Variants in COL21A1 observed in about 807,000 individuals in gnomAD.
COL21A1 encodes the protein collagen alpha-1(XXI) chain.
Under a neutral mutation model 137.9 loss-of-function variants are expected in COL21A1, and 149 were observed. The observed-to-expected ratio is 1.08, with a 90% CI of 0.95 to 1.24. The LOEUF is 1.24. Among genes scored for constraint, COL21A1 ranks in the 50% most tolerant of loss-of-function variants. The pLI is 0.00. For missense variants in COL21A1, 1,167 were observed against 1,158.4 expected (o/e 1.01, Z -0.11); for synonymous variants, 456 against 391.5 (o/e 1.16, Z -1.95).
At chr6:56,290,523 G>A (rs982840629) in intron 1 of COL21A1, among the ~76,000 whole-genome samples, 3 of 72,858 alleles carry the variant, frequency 4.1e-5, no homozygotes, top group African/African-American at 1.9e-4. Flanking sequence ...TTTTTGAGAC[G>A]AAGTCTTGCT....
intron 1 of COL21A1, among the ~76,000 whole-genome samples, chr6:56,272,412 T>A (rs1474997494): frequency 6.6e-6 from 1 of 152,168 alleles, no homozygotes; most frequent in Non-Finnish European, 1.5e-5. Flanking sequence ...GGGAGTTAAC[T>A]AACTCGATTT....
At chr6:56,065,758 C>A (rs1485248397) in intron 23 of COL21A1, among the ~76,000 whole-genome samples, 1 of 151,874 alleles carries the variant, frequency 6.6e-6, no homozygotes, top group Non-Finnish European at 1.5e-5. Flanking sequence ...AAAAAAGATT[C>A]AGTCAGCCCA....
chr6:56,095,798 T>A (rs925914767), intron 17 of COL21A1, among the ~76,000 whole-genome samples: 1 of 152,156 alleles, frequency 6.6e-6, no homozygotes, highest in Non-Finnish European at 1.5e-5. Context: ...TCCCTATGCA[T>A]TTTAAATAGG....
chr6:56,302,891 T>C, intron 1 of COL21A1, among the ~76,000 whole-genome samples: 1 of 152,312 alleles, frequency 6.6e-6, no homozygotes, highest in Non-Finnish European at 1.5e-5. Context: ...TAATCCATCT[T>C]GAATTAATTT....
chr6:56,341,399 A>G lies in COL21A1; in HGVS notation c.-39+52572T>C, dbSNP rs183779509. ...AAATCCATACAATGGAATATTATGC[A>G]TTGATAAAAAGAAATGAACTGCCAA... On this transcript the variant is annotated intron_variant, in intron 1 of 28. Transcript: ENST00000370819. Among the ~76,000 whole-genome samples, 21 of 152,336 alleles carry G rather than the reference A, an allele frequency of 1.4e-4. 1 individual carries two copies. In the East Asian group the frequency reaches 4.0e-3, roughly 29 times the overall value.
At chr6:56,124,388 T>G (rs773787333) in intron 14 of COL21A1, 96 bp from the exon 15 acceptor site, 33 of 1,180,954 alleles carry the variant, frequency 2.8e-5, no homozygotes, top group Non-Finnish European at 3.9e-5. Context: ...GTTAACATCA[T>G]TATGTAGTAA....
chr6:56,166,593 G>A (rs976000285), intron 7 of COL21A1, among the ~76,000 whole-genome samples: 2 of 152,156 alleles, frequency 1.3e-5, no homozygotes, highest in Admixed American at 1.3e-4. Context: ...GGAGGTTGCA[G>A]TGACCCGAGA....
At chr6:56,124,791 A>G (rs966250554) in intron 14 of COL21A1, among the ~76,000 whole-genome samples, 16 of 151,950 alleles carry the variant, frequency 1.1e-4, no homozygotes, top group South Asian at 4.2e-4. Context: ...ACAGGCGCCC[A>G]CTACCACTCC....
intron 1 of COL21A1, among the ~76,000 whole-genome samples, chr6:56,364,223 G>A (rs146954956): frequency 3.9e-5 from 6 of 151,956 alleles, no homozygotes; most frequent in African/African-American, 1.2e-4. Flanking sequence ...GGGAACCATC[G>A]AGACAGTACT....
intron 10 of COL21A1, among the ~76,000 whole-genome samples, chr6:56,143,518 C>T (rs1774594041): frequency 6.6e-6 from 1 of 152,068 alleles, no homozygotes; most frequent in Admixed American, 6.6e-5. Context: ...AATTTTTTAT[C>T]ACCAACCATC....
intron 17 of COL21A1, among the ~76,000 whole-genome samples, chr6:56,085,375 TTG>T (rs1768142594): frequency 6.6e-6 from 1 of 152,096 alleles, no homozygotes; most frequent in Non-Finnish European, 1.5e-5. Flanking sequence ...AGATTTGTTC[TTG>T]TTATTTTTGT....
intron 1 of COL21A1, among the ~76,000 whole-genome samples, chr6:56,233,485 T>C (rs764252455): frequency 6.6e-6 from 1 of 151,512 alleles, no homozygotes; most frequent in Non-Finnish European, 1.5e-5. Flanking sequence ...TCTTAGAAAA[T>C]TAAAAACTTA....
chr6:56,067,318 T>C lies in COL21A1; in HGVS notation c.2104A>G (p.Asn702Asp). The C allele has an allele frequency of 6.2e-7, 1 of 1,609,072 alleles. No homozygotes were observed. The highest frequency in any genetic ancestry group is 8.5e-7 in the Non-Finnish European group (1 of 1,176,822). Residue 702 changes from asparagine to aspartate, a missense_variant, in exon 23 of 30, where the codon AAT becomes GAT. Transcript: ENST00000244728. ...GIQGKKGDKG[N>D]QGEKGIQGQK... ...ACCTGAATACCTTTTTCACCTTGAT[T>C]TCCTTTGTCCCCCTACAAAAAGGCA... is the stretch of plus-strand genomic sequence containing the variant.
chr6:56,276,671 C>A, intron 1 of COL21A1: 1 of 1,443,848 alleles, frequency 6.9e-7, no homozygotes, highest in Non-Finnish European at 9.7e-7. Flanking sequence ...AAAAGTCCTG[C>A]ATGATCCTTG....
At chr6:56,392,593 C>A (rs1581806625) in intron 1 of COL21A1, among the ~76,000 whole-genome samples, 1 of 152,186 alleles carries the variant, frequency 6.6e-6, no homozygotes, top group African/African-American at 2.4e-5. Context: ...ATTTGGAAAA[C>A]CCTAAAGATG....
intron 10 of COL21A1, among the ~76,000 whole-genome samples, chr6:56,145,008 G>A (rs1483314736): frequency 8.5e-5 from 13 of 152,142 alleles, no homozygotes; most frequent in Admixed American, 6.6e-5. Flanking sequence ...ATAAATGTGC[G>A]TTTCTTTCTT....
intron 1 of COL21A1, among the ~76,000 whole-genome samples, chr6:56,215,030 T>G (rs982405391): frequency 1.5e-4 from 23 of 152,128 alleles, no homozygotes; most frequent in African/African-American, 5.5e-4. Context: ...CTCCTAACAA[T>G]GTTCACAAAT....
chr6:56,087,017 T>G (rs1359295835), intron 17 of COL21A1, among the ~76,000 whole-genome samples: 1 of 152,110 alleles, frequency 6.6e-6, no homozygotes, highest in Non-Finnish European at 1.5e-5. Context: ...TGTTACCTCT[T>G]GAATCTCTCC....
intron 10 of COL21A1, among the ~76,000 whole-genome samples, chr6:56,145,007 C>T (rs765489476): frequency 6.6e-5 from 10 of 152,244 alleles, no homozygotes; most frequent in South Asian, 4.1e-4. Context: ...AATAAATGTG[C>T]GTTTCTTTCT....
Sources: gnomAD v4.1 joint callset for allele counts (sites outside exome capture counted in the v4.1 genomes callset) on GRCh38, gnomAD v4.1.1 for gene constraint, MANE v1.5 for transcripts, NCBI Gene and HGNC (gene_info 2026-07-23, HGNC 2026-07-21) for gene names.